Variants in ADAMTS18 observed in about 807,000 individuals in gnomAD.
The protein encoded by ADAMTS18 is ADAM metallopeptidase with thrombospondin type 1 motif 18.
ADAMTS18 carries 157 observed loss-of-function variants against 165.9 expected under a neutral mutation model. The ratio of observed to expected loss-of-function variants is 0.95; its 90% CI spans 0.83 to 1.08. The LOEUF (loss-of-function observed/expected upper bound fraction) is 1.08, where lower values mean the gene tolerates loss of function less well. Among genes scored for constraint, ADAMTS18 ranks in the 50% least tolerant of loss-of-function variants. The probability of loss-of-function intolerance (pLI) is 0.00; values close to 1 mark genes in which losing one functional copy is unlikely to be tolerated. For synonymous variants in ADAMTS18, 782 were observed against 578.2 expected, an observed-to-expected ratio of 1.35 and a Z score of -5.06; for missense variants, 2,040 against 1,534.0, an observed-to-expected ratio of 1.33 and a Z score of -5.51.
At chr16:77,367,787 T>G (rs2434895) in intron 3 of ADAMTS18, 64 bp from the exon 4 acceptor site, 673,729 of 1,603,724 alleles carry the variant, frequency 0.42, 147,692 homozygotes, top group Non-Finnish European at 0.46. Context: ...AGGGTTGGTT[T>G]TCAACAACTG....
In ADAMTS18 at chr16:77,367,657, C is replaced by T. The variant is rs200404040; in HGVS notation, c.562G>A (p.Glu188Lys). 1.4e-3 allele frequency: 2,217 copies of T among 1,614,128 alleles called. 20 individuals carry two copies. The highest frequency in any genetic ancestry group is 0.014 in the South Asian group (1,243 of 91,076). ...ISPLPQLLAQ[E>K]HNYSSPAGHH... ...CCCGCAGGGGAGCTGTAGTTGTGTTCCTGGGCCAGAAGCTGAGGTAATGGC... is the reference window on the plus strand; with the variant it reads ...CCCGCAGGGGAGCTGTAGTTGTGTTTCTGGGCCAGAAGCTGAGGTAATGGC... Residue 188 changes from glutamate (E) to lysine (K), a missense_variant, in exon 4 of 23, where the codon GAA becomes AAA. Coordinates refer to ENST00000282849, the MANE Select transcript of ADAMTS18 (RefSeq NM_199355.4).
At chr16:77,368,968 T>C (rs1162036069) in intron 3 of ADAMTS18, among the ~76,000 whole-genome samples, 1 of 152,220 alleles carries the variant, frequency 6.6e-6, no homozygotes, top group Non-Finnish European at 1.5e-5. Flanking sequence ...TGCACCCTTG[T>C]CTTTCTTTCA....
At chr16:77,338,838 C>T (rs1028873683) in intron 11 of ADAMTS18, among the ~76,000 whole-genome samples, 1 of 151,386 alleles carries the variant, frequency 6.6e-6, no homozygotes, top group African/African-American at 2.4e-5. Flanking sequence ...CCTGTAGTTC[C>T]AGCTACTCGG....
intron 3 of ADAMTS18, among the ~76,000 whole-genome samples, chr16:77,418,191 C>T (rs1261155264): frequency 2.0e-5 from 3 of 152,202 alleles, no homozygotes; most frequent in Non-Finnish European, 4.4e-5. Context: ...TCCCAGCCCA[C>T]ACACACCATT....
chr16:77,293,333 C>T, intron 19 of ADAMTS18, 75 bp from the exon 20 acceptor site: 1 of 1,196,604 alleles, frequency 8.4e-7, no homozygotes, highest in Non-Finnish European at 1.2e-6. Flanking sequence ...AAACAACACA[C>T]TAAATATATT....
At chr16:77,345,064 G>C (rs909458943) in intron 10 of ADAMTS18, among the ~76,000 whole-genome samples, 1 of 151,944 alleles carries the variant, frequency 6.6e-6, no homozygotes, top group African/African-American at 2.4e-5. Flanking sequence ...GCCTGCATAT[G>C]ATTTTTTTAA....
At chr16:77,364,106 C>A in intron 5 of ADAMTS18, 82 bp downstream of exon 5, 1 of 1,553,804 alleles carries the variant, frequency 6.4e-7, no homozygotes, top group Non-Finnish European at 8.9e-7. Context: ...ACCTAATACA[C>A]CTGCTATTCA....
chr16:77,363,023 C>T (rs1249450297), intron 6 of ADAMTS18, among the ~76,000 whole-genome samples: 2 of 152,156 alleles, frequency 1.3e-5, no homozygotes, highest in African/African-American at 4.8e-5. Context: ...ATTAGATCAA[C>T]TTTTGTCTTG....
intron 3 of ADAMTS18, among the ~76,000 whole-genome samples, chr16:77,390,327 G>A (rs1361891091): frequency 6.6e-6 from 1 of 152,212 alleles, no homozygotes; most frequent in Non-Finnish European, 1.5e-5. Context: ...AGGTTACTCA[G>A]ATCTTTTTTG....
At chr16:77,409,505 T>A (rs1482338600) in intron 3 of ADAMTS18, among the ~76,000 whole-genome samples, 1 of 152,116 alleles carries the variant, frequency 6.6e-6, no homozygotes, top group African/African-American at 2.4e-5. Context: ...TCACAGACAT[T>A]CTGCTCGCAG....
chr16:77,352,907 G>T (rs1214046621), intron 10 of ADAMTS18, among the ~76,000 whole-genome samples: 4 of 152,026 alleles, frequency 2.6e-5, no homozygotes, highest in Non-Finnish European at 5.9e-5. Flanking sequence ...AGGAGATCAA[G>T]ACCACGGTGA....
At chr16:77,286,921 G>T (rs778554743) in intron 22 of ADAMTS18, among the ~76,000 whole-genome samples, 4 of 151,852 alleles carry the variant, frequency 2.6e-5, no homozygotes, top group Non-Finnish European at 5.9e-5. Flanking sequence ...CCCCAAGGTG[G>T]AGATCCAACC....
At chr16:77,351,865 G>A (rs2056560982) in intron 10 of ADAMTS18, among the ~76,000 whole-genome samples, 1 of 152,030 alleles carries the variant, frequency 6.6e-6, no homozygotes, top group Admixed American at 6.6e-5. Context: ...CTCCCTAGTA[G>A]TTGGAACTAC....
chr16:77,289,587 C>A (rs1173474387), intron 21 of ADAMTS18, 176 bp from the exon 22 acceptor site: 2 of 727,330 alleles, frequency 2.7e-6, no homozygotes, highest in East Asian at 5.4e-5. Context: ...AGTGTGATCC[C>A]TTTGATCTGA....
chr16:77,434,323 A>AG (rs2057770957), intron 2 of ADAMTS18, 95 bp downstream of exon 2: 2 of 1,365,262 alleles, frequency 1.5e-6, no homozygotes, highest in Admixed American at 4.0e-5. Context: ...CTGCCAGGTT[A>AG]GGGGGTGCGC....
chr16:77,283,880 G>T lies in ADAMTS18; in HGVS notation c.*76C>A. On this transcript the variant is annotated 3_prime_UTR_variant, in exon 23 of 23. Coordinates refer to ENST00000282849, the MANE Select transcript of ADAMTS18 (RefSeq NM_199355.4). ...GATGGTTCTCGGTGCTCAGCTCCTG[G>T]TCTCAAAGGCAGCTGGTCTCTCTAG... 1.8e-6 allele frequency: 2 copies of T among 1,137,950 alleles called. No homozygotes were observed. The highest frequency in any genetic ancestry group is 2.7e-6 in the Non-Finnish European group (2 of 749,714). The allele number at this position is 1,137,950 out of a possible 1,614,324, so 70.5% of individuals were successfully genotyped here.
At chr16:77,433,469 G>A (rs925109063) in intron 2 of ADAMTS18, 1 of 152,212 alleles carries the variant, frequency 6.6e-6, no homozygotes, top group African/African-American at 2.4e-5. Context: ...ACTTCAGGAG[G>A]TGAGTAAGGG....
chr16:77,282,286 A>G lies in ADAMTS18; in HGVS notation c.*1670T>C, dbSNP rs1167532414. The stretch of plus-strand genomic sequence containing the variant: ...AGTGAGAACACATAATAGGCTATTA[A>G]TTAATAAATTAATTTTCCATAAAAT... On this transcript the variant is annotated 3_prime_UTR_variant, in exon 23 of 23. Coordinates refer to ENST00000282849, the MANE Select transcript of ADAMTS18 (RefSeq NM_199355.4). The G allele has an allele frequency of 6.6e-6, 1 of 150,948 alleles. No individual in the cohort carries two copies. The highest frequency in any genetic ancestry group is 2.5e-5 in the African/African-American group (1 of 40,302). 9.4% of individuals were successfully genotyped at this position (150,948 alleles called of 1,614,324 possible).
chr16:77,290,727 G>C (rs1002717975), intron 21 of ADAMTS18: 4 of 163,586 alleles, frequency 2.4e-5, no homozygotes, highest in African/African-American at 9.6e-5. Context: ...CTGAAAAGAA[G>C]GGTGCCTCTA....
Sources: allele counts gnomAD v4.1 joint callset (sites outside exome capture counted in the v4.1 genomes callset), GRCh38; gene constraint gnomAD v4.1.1; transcripts MANE v1.5; gene names NCBI Gene and HGNC (gene_info 2026-07-23, HGNC 2026-07-21).